CYP4F11: variants seen among roughly 807,000 people sequenced by gnomAD.
The protein encoded by CYP4F11 is cytochrome P450 family 4 subfamily F member 11.
In CYP4F11, 79 loss-of-function variants were observed where a neutral mutation model predicts 62.2. The observed-to-expected ratio is 1.27, with a 90% CI of 1.06 to 1.53. CYP4F11 has a LOEUF of 1.53. CYP4F11 is among the 40% of genes most tolerant of loss of function. The pLI is 0.00. For missense variants in CYP4F11, 777 were observed against 680.5 expected (o/e 1.14, Z -1.58); for synonymous variants, 290 against 263.7 (o/e 1.10, Z -0.97).
intron 8 of CYP4F11, among the ~76,000 whole-genome samples, chr19:15,915,522 C>A (rs778526754): frequency 6.6e-6 from 1 of 152,146 alleles, no homozygotes; most frequent in Non-Finnish European, 1.5e-5. Flanking sequence ...ATCCTCTACC[C>A]CTATGGCCCA....
rs1470645921 is a variant in CYP4F11, at chr19:15,922,384, G to A, written c.965C>T (p.Ala322Val). The A allele has an allele frequency of 1.2e-6, 2 of 1,614,050 alleles. No homozygotes were observed. Among genetic ancestry groups the A allele is most frequent in the African/African-American group, 1.3e-5 (1 of 74,910 alleles). ...CTCACCCTCAAACATGAAGGTGTCAGCTTCTGCTCTTATGTCCTCATCAGA... is the reference window on the plus strand; with the variant it reads ...CTCACCCTCAAACATGAAGGTGTCAACTTCTGCTCTTATGTCCTCATCAGA... ...ELSDEDIRAE[A>V]DTFMFEGHDT... Residue 322 changes from alanine (A) to valine (V), a missense_variant, in exon 7 of 12, where the codon GCT becomes GTT. Physicochemically the swap from Ala to Val is moderately conservative, Grantham distance 64. Coordinates refer to ENST00000402119, the MANE Select transcript of CYP4F11 (RefSeq NM_021187.4).
intron 2 of CYP4F11, among the ~76,000 whole-genome samples, chr19:15,929,209 C>T (rs375231984): frequency 4.7e-4 from 72 of 152,270 alleles, no homozygotes; most frequent in African/African-American, 1.6e-3. Flanking sequence ...AGGACAGGGC[C>T]CTAAATTGAG....
chr19:15,934,372 GC>G lies in CYP4F11; in HGVS notation c.36del (p.Val14TrpfsTer61), dbSNP rs760354403. ...PQLSLSWLGL[G>X]PVAASPWLLL... ...AGCAGCCACGGGGATGCTGCCACGG[GC>G]CCGAGGCCCAGCCAGGACAGGCTCA... On this transcript the variant is annotated frameshift_variant, in exon 1 of 12. Transcript: ENST00000402119. LOFTEE classifies it high-confidence loss of function. 77 of 1,613,372 alleles carry G rather than the reference GC, an allele frequency of 4.8e-5. No individual in the cohort carries two copies. Among genetic ancestry groups the G allele is most frequent in the African/African-American group, 4.0e-4 (30 of 75,008 alleles).
At position 15,929,484 on chromosome 19, in the gene CYP4F11, T is replaced by C. The variant is rs566368344; in HGVS notation, c.316A>G (p.Ile106Val). The C allele has an allele frequency of 5.6e-6, 9 of 1,613,912 alleles. No homozygotes were observed. The highest frequency in any genetic ancestry group is 2.7e-5 in the African/African-American group (2 of 74,996). Residue 106 changes from isoleucine to valine, a missense_variant, in exon 2 of 12, where the codon ATT becomes GTT. Physicochemically the swap from Ile to Val is conservative, Grantham distance 29. Coordinates refer to ENST00000402119, the MANE Select transcript of CYP4F11 (RefSeq NM_021187.4). ...FPLLILCHPDIIRPITSASAA... is the reference protein window; with the variant it reads ...FPLLILCHPDVIRPITSASAA... The stretch of plus-strand genomic sequence containing the variant: ...GAGGCACTGGTGATAGGCCGGATAA[T>C]GTCAGGGTGGCATAAAATGAGGAGG...
intron 4 of CYP4F11, among the ~76,000 whole-genome samples, chr19:15,925,174 A>T (rs1270210185): frequency 1.3e-5 from 2 of 152,162 alleles, no homozygotes; most frequent in Non-Finnish European, 2.9e-5. Flanking sequence ...TCAAATCTTC[A>T]GTAACAGTTA....
intron 8 of CYP4F11, among the ~76,000 whole-genome samples, chr19:15,921,479 A>G (rs1599374323): frequency 6.6e-6 from 1 of 152,158 alleles, no homozygotes; most frequent in Admixed American, 6.5e-5. Flanking sequence ...CCAGGCTGGG[A>G]GCACCTGGAA....
upstream of CYP4F11, chr19:15,934,744 G>A (rs1034561063): frequency 7.7e-6 from 2 of 261,098 alleles, no homozygotes; most frequent in Non-Finnish European, 1.4e-5. Context: ...CCCCAACCTT[G>A]GGCAGTCCCC....
Position 15,934,191 on chromosome 19 carries a change from CG to C in CYP4F11, c.198+19del. The C allele has an allele frequency of 6.2e-7, 1 of 1,612,702 alleles. No individual in the cohort carries two copies. The highest frequency in any genetic ancestry group is 8.5e-7 in the Non-Finnish European group (1 of 1,179,138). ...TCCATGCATCCTGAGACCCCAGACC[CG>C]TCCTGCTGACAAACTCACCAGGCCC... On this transcript the variant is annotated intron_variant, in intron 1 of 11. Coordinates refer to ENST00000402119, the MANE Select transcript of CYP4F11 (RefSeq NM_021187.4).
chr19:15,934,025 C>A (rs62105761), intron 1 of CYP4F11, among the ~76,000 whole-genome samples, 186 bp downstream of exon 1: 4 of 23,550 alleles, frequency 1.7e-4, no homozygotes, highest in Non-Finnish European at 3.1e-4. Flanking sequence ...AGTGAGTGGG[C>A]AGAGGAATGA....
rs1257086486 is a variant in CYP4F11, at chr19:15,934,415, G to T, written c.-7C>A. On this transcript the variant is annotated 5_prime_UTR_variant, in exon 1 of 12. The change creates a new upstream start codon in the 5' untranslated region. Coordinates refer to ENST00000402119, the MANE Select transcript of CYP4F11 (RefSeq NM_021187.4). ...ACAGGCTCAGCTGCGGCATCCTGCAGGGCAGACGGGATGGAGGGTGGGATC... is the reference window on the plus strand; with the variant it reads ...ACAGGCTCAGCTGCGGCATCCTGCATGGCAGACGGGATGGAGGGTGGGATC... The T allele has an allele frequency of 1.2e-6, 2 of 1,612,138 alleles. No homozygotes were observed. Among genetic ancestry groups the T allele is most frequent in the Admixed American group, 1.7e-5 (1 of 59,706 alleles).
rs1025876665 is a variant in CYP4F11 at position 15,934,477 on chromosome 19, C to G, written c.-69G>C. 2.9e-5 allele frequency: 46 copies of G among 1,568,080 alleles called. No homozygotes were observed. In the South Asian group the frequency reaches 4.9e-4, roughly 17 times the overall value. On this transcript the variant is annotated 5_prime_UTR_variant, in exon 1 of 12. Coordinates refer to ENST00000402119, the MANE Select transcript of CYP4F11 (RefSeq NM_021187.4). ...GGAAGGGCCCAGGAAGCTCCAAGGACAGTGGAAAGGGGCAAGGATGGGCAG... is the reference window on the plus strand; with the variant it reads ...GGAAGGGCCCAGGAAGCTCCAAGGAGAGTGGAAAGGGGCAAGGATGGGCAG...
At chr19:15,916,597 C>A (rs879935602) in intron 8 of CYP4F11, among the ~76,000 whole-genome samples, 8 of 151,968 alleles carry the variant, frequency 5.3e-5, no homozygotes, top group Admixed American at 3.9e-4. Flanking sequence ...TCAAATAACC[C>A]CATCAAAAAG....
intron 4 of CYP4F11, among the ~76,000 whole-genome samples, chr19:15,925,591 G>A (rs2089662469): frequency 6.6e-6 from 1 of 151,900 alleles, no homozygotes; most frequent in Non-Finnish European, 1.5e-5. Context: ...TGGATGACGG[G>A]TTGGTGGGTG....
At chr19:15,913,982 C>T in intron 11 of CYP4F11, 73 bp from the exon 12 acceptor site, 8 of 1,528,752 alleles carry the variant, frequency 5.2e-6, no homozygotes, top group Non-Finnish European at 7.0e-6. Flanking sequence ...TAGAACCTGG[C>T]CTGGGACCCC....
chr19:15,931,563 A>AGCAGAGGAATGAGTGAGCGG (rs2089720122), intron 1 of CYP4F11, among the ~76,000 whole-genome samples: 1 of 92,348 alleles, frequency 1.1e-5, no homozygotes, highest in Non-Finnish European at 2.3e-5. Context: ...TGAGTGAGCG[A>AGCAGAGGAATGAGTGAGCGG]GGAGAGGAAT....
At chr19:15,919,494 A>AGAT (rs1489229264) in intron 8 of CYP4F11, among the ~76,000 whole-genome samples, 3 of 148,148 alleles carry the variant, frequency 2.0e-5, no homozygotes, top group African/African-American at 7.4e-5. Flanking sequence ...ATAGATAGAT[A>AGAT]GATAGATAGA....
At position 15,922,126 on chromosome 19, in the gene CYP4F11, G is replaced by A; in HGVS notation, c.1026C>T (p.Tyr342=). 1 of 1,614,026 alleles carries A rather than the reference G, an allele frequency of 6.2e-7. No individual in the cohort carries two copies. The highest frequency in any genetic ancestry group is 8.5e-7 in the Non-Finnish European group (1 of 1,179,964). Residue 342 remains tyrosine (Y), a synonymous_variant, in exon 8 of 12, where the codon TAC becomes TAT. Transcript: ENST00000402119. ...TTASGLSWVL[Y]HLAKHPEYQE... is the part of the protein sequence containing the mutation. ...GGTATTCTGGGTGCTTTGCAAGGTG[G>A]TATAGGACCCAGGAGAGACCACTGG...
chr19:15,927,173 C>T (rs748963920), intron 4 of CYP4F11, 39 bp downstream of exon 4: 1 of 1,605,094 alleles, frequency 6.2e-7, no homozygotes, highest in African/African-American at 1.3e-5. Context: ...TCCCTCTACC[C>T]CAAGGCTCCA....
At chr19:15,926,160 G>A (rs2089667247) in intron 4 of CYP4F11, among the ~76,000 whole-genome samples, 3 of 145,102 alleles carry the variant, frequency 2.1e-5, no homozygotes, top group Non-Finnish European at 3.0e-5. Context: ...TGAGACTCCA[G>A]AAAAAAAAAA....
Sources: allele counts gnomAD v4.1 joint callset (sites outside exome capture counted in the v4.1 genomes callset), GRCh38; gene constraint gnomAD v4.1.1; transcripts MANE v1.5; gene names NCBI Gene and HGNC (gene_info 2026-07-23, HGNC 2026-07-21).